PTPRD: variants seen among roughly 807,000 people sequenced by gnomAD.
PTPRD encodes the protein receptor-type tyrosine-protein phosphatase delta.
In PTPRD, 34 loss-of-function variants were observed where a neutral mutation model predicts 214.5. The ratio of observed to expected loss-of-function variants is 0.16; its 90% CI spans 0.12 to 0.21. The LOEUF (loss-of-function observed/expected upper bound fraction) is 0.21, where lower values mean the gene tolerates loss of function less well. PTPRD is among the 10% of genes least tolerant of loss of function. The pLI is 1.00. For missense variants in PTPRD, 2,545 were observed against 2,398.7 expected, an observed-to-expected ratio of 1.06 and a Z score of -1.27; for synonymous variants, 1,128 against 845.7, an observed-to-expected ratio of 1.33 and a Z score of -5.79.
At chr9:8,703,623 A>T (rs148358223) in intron 12 of PTPRD, among the ~76,000 whole-genome samples, 78 of 152,002 alleles carry the variant, frequency 5.1e-4, no homozygotes, top group Admixed American at 2.2e-3. Context: ...TCGACTTCTC[A>T]TCCTCACCTC....
At chr9:9,379,801 G>A (rs1413490960) in intron 9 of PTPRD, among the ~76,000 whole-genome samples, 1 of 151,898 alleles carries the variant, frequency 6.6e-6, no homozygotes, top group Admixed American at 6.6e-5. Flanking sequence ...TAATGTAAGT[G>A]TTATTTTGTT....
rs115506974 is a variant in PTPRD at position 9,010,291 on chromosome 9, T to C, written c.-104+8406A>G. Among the ~76,000 whole-genome samples the C allele has an allele frequency of 4.7e-3, 710 of 152,300 alleles. 12 individuals carry two copies. Among genetic ancestry groups the C allele is most frequent in the African/African-American group, 0.016 (684 of 41,566 alleles). ...TAGAAATCAGACTATGAACAAAAGT[T>C]AGAATTTTAATACAAATGGGACAAC... On this transcript the variant is annotated intron_variant, in intron 11 of 45. Transcript: ENST00000381196.
intron 4 of PTPRD, among the ~76,000 whole-genome samples, chr9:10,001,977 G>C (rs1400970991): frequency 6.6e-6 from 1 of 151,854 alleles, no homozygotes; most frequent in African/African-American, 2.4e-5. Flanking sequence ...TTTTATTAAT[G>C]GGTTTAAAAT....
At chr9:9,325,281 G>A (rs1038233437) in intron 9 of PTPRD, among the ~76,000 whole-genome samples, 9 of 152,154 alleles carry the variant, frequency 5.9e-5, no homozygotes, top group African/African-American at 2.2e-4. Context: ...ATTACCTTGG[G>A]CAGTATGGCC....
chr9:10,604,114 G>A (rs2078663065), intron 2 of PTPRD, among the ~76,000 whole-genome samples: 3 of 151,796 alleles, frequency 2.0e-5, no homozygotes, highest in Admixed American at 2.0e-4. Flanking sequence ...GAAATAGGAA[G>A]AGAACTGATG....
At chr9:10,111,966 C>G (rs1432646222) in intron 3 of PTPRD, among the ~76,000 whole-genome samples, 1 of 152,194 alleles carries the variant, frequency 6.6e-6, no homozygotes, top group Non-Finnish European at 1.5e-5. Flanking sequence ...CTAAGTCCAG[C>G]AGATGTACTT....
At chr9:8,811,677 T>A (rs1453521544) in intron 11 of PTPRD, among the ~76,000 whole-genome samples, 1 of 152,140 alleles carries the variant, frequency 6.6e-6, no homozygotes, top group African/African-American at 2.4e-5. Context: ...TAAAAGTATA[T>A]ATTCTCAACA....
Position 10,203,169 on chromosome 9 carries a change from C to CTTT in PTPRD, c.-545+137791_-545+137793dup, listed in dbSNP as rs60069193. ...TGTTTACTGTCTTCTCCCTCTCTCT[C>CTTT]TTTTTTTTTTTTTTTTTTAATGTGA... On this transcript the variant is annotated intron_variant, in intron 3 of 45. Transcript: ENST00000381196. Among the ~76,000 whole-genome samples the CTTT allele has an allele frequency of 2.8e-3, 330 of 119,878 alleles. 3 individuals are homozygous for CTTT. Among genetic ancestry groups the CTTT allele is most frequent in the African/African-American group, 9.3e-3 (301 of 32,342 alleles). 78.6% of individuals were successfully genotyped at this position (119,878 alleles called of 152,430 possible).
intron 11 of PTPRD, among the ~76,000 whole-genome samples, chr9:8,932,995 G>T (rs1015658472): frequency 1.3e-5 from 2 of 152,138 alleles, no homozygotes; most frequent in Non-Finnish European, 2.9e-5. Flanking sequence ...GGCCCTGGTG[G>T]TGTAGGCACC....
intron 5 of PTPRD, among the ~76,000 whole-genome samples, chr9:9,893,173 C>T (rs911266318): frequency 1.3e-5 from 2 of 151,990 alleles, no homozygotes; most frequent in Non-Finnish European, 2.9e-5. Context: ...TGGCTGCACA[C>T]ACTAAAGTAC....
At chr9:10,195,709 T>TA (rs528546815) in intron 3 of PTPRD, among the ~76,000 whole-genome samples, 7 of 151,894 alleles carry the variant, frequency 4.6e-5, no homozygotes, top group East Asian at 3.9e-4. Flanking sequence ...CCAAATAAGA[T>TA]AAAAAAATAA....
chr9:8,888,941 G>A (rs2098514309), intron 11 of PTPRD, among the ~76,000 whole-genome samples: 1 of 152,194 alleles, frequency 6.6e-6, no homozygotes, highest in East Asian at 1.9e-4. Flanking sequence ...AATGGAGGCA[G>A]TAATATCCTT....
chr9:9,831,277 T>G (rs925721354), intron 5 of PTPRD, among the ~76,000 whole-genome samples: 1 of 151,990 alleles, frequency 6.6e-6, no homozygotes, highest in Admixed American at 6.6e-5. Context: ...AGACATTTTT[T>G]GACATTGCTT....
intron 7 of PTPRD, among the ~76,000 whole-genome samples, chr9:9,589,975 C>T (rs1374535077): frequency 1.3e-5 from 2 of 151,912 alleles, no homozygotes; most frequent in Non-Finnish European, 2.9e-5. Flanking sequence ...TTGTGATTCT[C>T]ATTATGATTC....
intron 5 of PTPRD, among the ~76,000 whole-genome samples, chr9:9,912,599 G>T (rs781559091): frequency 2.0e-5 from 3 of 152,152 alleles, no homozygotes; most frequent in Non-Finnish European, 4.4e-5. Context: ...AAATGGTATC[G>T]TTGGCAATCA....
intron 39 of PTPRD, among the ~76,000 whole-genome samples, chr9:8,361,098 G>C (rs2133888433): frequency 6.6e-6 from 1 of 152,256 alleles, no homozygotes; most frequent in Non-Finnish European, 1.5e-5. Context: ...TGCCAATTAT[G>C]AATGCGTCAG....
At chr9:9,242,611 C>G (rs558093324) in intron 9 of PTPRD, among the ~76,000 whole-genome samples, 8 of 152,062 alleles carry the variant, frequency 5.3e-5, no homozygotes, top group African/African-American at 1.9e-4. Context: ...TCACTGATAC[C>G]CTTTCTTCCA....
chr9:9,095,206 G>C (rs2099781790), intron 10 of PTPRD, among the ~76,000 whole-genome samples: 1 of 151,984 alleles, frequency 6.6e-6, no homozygotes, highest in African/African-American at 2.4e-5. Flanking sequence ...CAAGGCAAGA[G>C]GTCTATTTTC....
At chr9:8,594,549 G>A (rs1055447317) in intron 14 of PTPRD, among the ~76,000 whole-genome samples, 5 of 152,184 alleles carry the variant, frequency 3.3e-5, no homozygotes, top group East Asian at 1.9e-4. Context: ...CCCACATGTC[G>A]AGGGAGGGAC....
Sources: allele counts gnomAD v4.1 joint callset (sites outside exome capture counted in the v4.1 genomes callset), GRCh38; gene constraint gnomAD v4.1.1; transcripts MANE v1.5; gene names NCBI Gene and HGNC (gene_info 2026-07-23, HGNC 2026-07-21).